LAMA2: variants seen among roughly 807,000 people sequenced by gnomAD.
LAMA2 encodes the protein laminin subunit alpha 2.
LAMA2 carries 269 observed loss-of-function variants against 364.8 expected under a neutral mutation model. The observed-to-expected ratio is 0.74, with a 90% CI of 0.67 to 0.82. The LOEUF (loss-of-function observed/expected upper bound fraction) is 0.82, where lower values mean the gene tolerates loss of function less well. Ranked by LOEUF, LAMA2 falls within the 40% of genes least tolerant of loss-of-function variation. The pLI is 0.00. For synonymous variants in LAMA2, 1,379 were observed against 1,370.6 expected, an observed-to-expected ratio of 1.01 and a Z score of -0.14; for missense variants, 3,807 against 3,873.2, an observed-to-expected ratio of 0.98 and a Z score of 0.45.
At chr6:128,898,878 C>A (rs925355207) in intron 1 of LAMA2, among the ~76,000 whole-genome samples, 1 of 152,062 alleles carries the variant, frequency 6.6e-6, no homozygotes, top group African/African-American at 2.4e-5. Context: ...GTCTCAAGGC[C>A]TTTGTCCTTG....
At chr6:129,345,753 T>C (rs1425845543) in intron 30 of LAMA2, among the ~76,000 whole-genome samples, 1 of 152,140 alleles carries the variant, frequency 6.6e-6, no homozygotes, top group Non-Finnish European at 1.5e-5. Flanking sequence ...TTTTACATTT[T>C]TAGAAAAAAA....
Position 129,212,517 on chromosome 6 carries a change from C to T in LAMA2, c.1782+19664C>T, listed in dbSNP as rs1312204999. On this transcript the variant is annotated intron_variant, in intron 12 of 64. Coordinates refer to ENST00000421865, the MANE Select transcript of LAMA2 (RefSeq NM_000426.4). ...ACTGAGACCCTGAAAGATTAAGTCACTTGAACAAAGATATACAGCTTCTCC... is the reference window on the plus strand; with the variant it reads ...ACTGAGACCCTGAAAGATTAAGTCATTTGAACAAAGATATACAGCTTCTCC... Among the ~76,000 whole-genome samples, 3 of 152,164 alleles carry T rather than the reference C, an allele frequency of 2.0e-5. No individual in the cohort carries two copies. The South Asian group carries it at 6.2e-4, about 32-fold the overall frequency.
intron 54 of LAMA2, among the ~76,000 whole-genome samples, chr6:129,480,333 C>T (rs1426983104): frequency 3.9e-5 from 6 of 152,078 alleles, no homozygotes; most frequent in Non-Finnish European, 5.9e-5. Flanking sequence ...ATATTTTAAG[C>T]ACTTTAAATT....
At chr6:129,424,197 A>G (rs1781214644) in intron 40 of LAMA2, among the ~76,000 whole-genome samples, 2 of 152,062 alleles carry the variant, frequency 1.3e-5, no homozygotes, top group Admixed American at 1.3e-4. Context: ...TTCAGTCTGT[A>G]TCTTGCACCA....
chr6:129,314,535 G>C, intron 23 of LAMA2, 120 bp from the exon 24 acceptor site: 1 of 829,246 alleles, frequency 1.2e-6, no homozygotes, highest in Admixed American at 2.0e-5. Context: ...CTAATACTCA[G>C]TGTTCTTCTG....
chr6:129,461,886 A>T (rs1783271593), intron 49 of LAMA2, among the ~76,000 whole-genome samples: 1 of 152,018 alleles, frequency 6.6e-6, no homozygotes, highest in African/African-American at 2.4e-5. Context: ...AAGGGAGGAA[A>T]AAACAAATAC....
At chr6:129,056,075 C>T (rs11966288) in intron 2 of LAMA2, among the ~76,000 whole-genome samples, 3,502 of 152,224 alleles carry the variant, frequency 0.023, 132 homozygotes, top group African/African-American at 0.08. Flanking sequence ...TCACAATTAC[C>T]TAAGAGCCAT....
chr6:129,485,540 G>T lies in LAMA2; in HGVS notation c.7750-934G>T, dbSNP rs150131394. Among the ~76,000 whole-genome samples, 12 of 152,288 alleles carry T rather than the reference G, an allele frequency of 7.9e-5. No homozygotes were observed. The East Asian group carries it at 2.1e-3, about 27-fold the overall frequency. Reference sequence around the variant, plus strand: ...AAATTGACAAGTTTTATATTTCAAAGCTAACGGTTTTGATACCCATAGAGT... The same window carrying T: ...AAATTGACAAGTTTTATATTTCAAATCTAACGGTTTTGATACCCATAGAGT... On this transcript the variant is annotated intron_variant, in intron 55 of 64. Coordinates refer to ENST00000421865, the MANE Select transcript of LAMA2 (RefSeq NM_000426.4).
intron 1 of LAMA2, among the ~76,000 whole-genome samples, chr6:128,895,533 A>G (rs990716042): frequency 1.3e-5 from 2 of 150,752 alleles, no homozygotes; most frequent in Non-Finnish European, 3.0e-5. Context: ...TTGTAGTGCC[A>G]GGTACTCTGG....
At chr6:129,202,464 C>T (rs549763959) in intron 12 of LAMA2, among the ~76,000 whole-genome samples, 10 of 152,006 alleles carry the variant, frequency 6.6e-5, no homozygotes, top group South Asian at 4.1e-4. Context: ...CTTTCCTTTA[C>T]GTGAAGGGGC....
chr6:129,102,225 T>G (rs1775560057), intron 4 of LAMA2, among the ~76,000 whole-genome samples: 7 of 149,476 alleles, frequency 4.7e-5, no homozygotes, highest in East Asian at 2.0e-4. Flanking sequence ...GCCTCCCGGG[T>G]TCCCGGGTTC....
At chr6:129,009,192 A>T (rs1352015875) in intron 1 of LAMA2, among the ~76,000 whole-genome samples, 1 of 152,190 alleles carries the variant, frequency 6.6e-6, no homozygotes, top group Admixed American at 6.5e-5. Flanking sequence ...ACTGAGGATC[A>T]GTATTTTAAA....
At chr6:128,910,425 G>A (rs566942146) in intron 1 of LAMA2, among the ~76,000 whole-genome samples, 156 of 151,968 alleles carry the variant, frequency 1.0e-3, no homozygotes, top group African/African-American at 3.6e-3. Flanking sequence ...CCAGTTGATC[G>A]CATCGGCTCC....
intron 29 of LAMA2, among the ~76,000 whole-genome samples, chr6:129,331,296 C>CT (rs1402452279): frequency 1.3e-5 from 2 of 152,126 alleles, no homozygotes; most frequent in East Asian, 3.9e-4. Context: ...AATCATGCCA[C>CT]TTTTCTCTCA....
At chr6:128,925,982 G>A (rs1779068883) in intron 1 of LAMA2, among the ~76,000 whole-genome samples, 1 of 151,962 alleles carries the variant, frequency 6.6e-6, no homozygotes, top group Non-Finnish European at 1.5e-5. Flanking sequence ...TGTCTCCACT[G>A]GACTGGGACT....
chr6:128,968,875 A>G (rs1195228314), intron 1 of LAMA2, among the ~76,000 whole-genome samples: 4 of 152,148 alleles, frequency 2.6e-5, no homozygotes, highest in Non-Finnish European at 4.4e-5. Context: ...ATTTTATTCT[A>G]AATGTTGGGA....
rs765359050 is a variant in LAMA2 at position 129,479,799 on chromosome 6, G to T, written c.7572+986G>T. 3 of 152,122 alleles carry T rather than the reference G, an allele frequency of 2.0e-5. 1 individual carries two copies. Among genetic ancestry groups the T allele is most frequent in the Admixed American group, 2.0e-4 (3 of 15,262 alleles). 9.4% of individuals were successfully genotyped at this position (152,122 alleles called of 1,614,324 possible). A position where few individuals can be genotyped will look rare whatever the true frequency, so the allele number is the denominator to read the frequency against. ...TTAAAGACTGGAACAGAACTTTCAG[G>T]ATCTTCATTGTTCATAGCTACAGGC... On this transcript the variant is annotated intron_variant, in intron 54 of 64. Transcript: ENST00000421865.
intron 1 of LAMA2, among the ~76,000 whole-genome samples, chr6:128,935,253 C>T (rs146700972): frequency 0.049 from 4,707 of 96,016 alleles, 101 homozygotes; most frequent in Middle Eastern, 0.094. Flanking sequence ...GTGTAATGTT[C>T]CCCTCCCTGT....
chr6:129,352,050 T>C (rs978432067), intron 31 of LAMA2, among the ~76,000 whole-genome samples: 2 of 152,216 alleles, frequency 1.3e-5, no homozygotes, highest in African/African-American at 4.8e-5. Context: ...CCCTACTGTC[T>C]CTCAACTTCC....
Sources: gnomAD v4.1 joint callset for allele counts (sites outside exome capture counted in the v4.1 genomes callset) on GRCh38, gnomAD v4.1.1 for gene constraint, MANE v1.5 for transcripts, NCBI Gene and HGNC (gene_info 2026-07-23, HGNC 2026-07-21) for gene names.